RYK: variants seen among roughly 807,000 people sequenced by gnomAD.
RYK encodes the protein receptor like tyrosine kinase, also known as inactive tyrosine-protein kinase RYK.
In RYK, 21 loss-of-function variants were observed where a neutral mutation model predicts 70.2. That is an observed-to-expected ratio of 0.30 (90% CI 0.21 to 0.43). RYK has a LOEUF of 0.43. Ranked by LOEUF, RYK falls within the 20% of genes least tolerant of loss-of-function variation. RYK has a pLI of 1.00. For missense variants in RYK, 604 were observed against 753.3 expected, an observed-to-expected ratio of 0.80 and a Z score of 2.32; for synonymous variants, 267 against 278.0, an observed-to-expected ratio of 0.96 and a Z score of 0.39.
chr3:134,213,951 C>T (rs962384118), intron 2 of RYK, among the ~76,000 whole-genome samples: 1 of 152,062 alleles, frequency 6.6e-6, no homozygotes, highest in Admixed American at 6.6e-5. Context: ...GGACTACAGG[C>T]ACACGCCACT....
intron 6 of RYK, among the ~76,000 whole-genome samples, chr3:134,195,515 G>A (rs1279233533): frequency 6.6e-6 from 1 of 152,154 alleles, no homozygotes; most frequent in African/African-American, 2.4e-5. Flanking sequence ...CAAAAAAAGA[G>A]CCCATGTCAT....
At chr3:134,199,461 C>T (rs1260999489) in intron 6 of RYK, among the ~76,000 whole-genome samples, 3 of 152,184 alleles carry the variant, frequency 2.0e-5, no homozygotes, top group Admixed American at 2.0e-4. Context: ...CACTGAGTCC[C>T]GCCTGCTCTG....
intron 9 of RYK, among the ~76,000 whole-genome samples, chr3:134,183,784 A>G (rs913929874): frequency 6.6e-6 from 1 of 152,338 alleles, no homozygotes; most frequent in African/African-American, 2.4e-5. Flanking sequence ...CTCAACCACC[A>G]AAGTACCCAC....
intron 9 of RYK, among the ~76,000 whole-genome samples, chr3:134,186,431 G>C (rs1293204916): frequency 6.6e-6 from 1 of 152,216 alleles, no homozygotes; most frequent in Non-Finnish European, 1.5e-5. Context: ...ATTTGTGAAA[G>C]ACCTTGGTCA....
At chr3:134,234,757 G>C (rs1419893550) in intron 1 of RYK, among the ~76,000 whole-genome samples, 4 of 152,066 alleles carry the variant, frequency 2.6e-5, no homozygotes, top group Non-Finnish European at 4.4e-5. Flanking sequence ...AGGGGATAGA[G>C]AACTGTTTTA....
chr3:134,228,142 T>C (rs115312546), intron 1 of RYK, among the ~76,000 whole-genome samples: 2 of 152,246 alleles, frequency 1.3e-5, no homozygotes, highest in Non-Finnish European at 2.9e-5. Flanking sequence ...ATGTTTACAA[T>C]TAGCCAAGCA....
chr3:134,160,466 T>C (rs1255939039), intron 13 of RYK, among the ~76,000 whole-genome samples: 2 of 152,146 alleles, frequency 1.3e-5, no homozygotes, highest in Admixed American at 1.3e-4. Flanking sequence ...AATCCCAAAA[T>C]ACTTTGTAAA....
intron 13 of RYK, among the ~76,000 whole-genome samples, chr3:134,169,035 G>A (rs758502920): frequency 6.6e-6 from 1 of 152,054 alleles, no homozygotes; most frequent in African/African-American, 2.4e-5. Flanking sequence ...GGTGATCATT[G>A]ATAGTCACAA....
At chr3:134,205,895 A>C (rs1047772181) in intron 5 of RYK, among the ~76,000 whole-genome samples, 15 of 152,160 alleles carry the variant, frequency 9.9e-5, no homozygotes, top group Admixed American at 5.9e-4. Context: ...CATACCGCCT[A>C]ACACACCACA....
intron 2 of RYK, among the ~76,000 whole-genome samples, chr3:134,217,838 T>C (rs76816651): frequency 0.035 from 5,269 of 152,302 alleles, 148 homozygotes; most frequent in Non-Finnish European, 0.059. Flanking sequence ...ATTTTTACTA[T>C]GTGCATATAT....
At chr3:134,197,086 C>A (rs1266717975) in intron 6 of RYK, among the ~76,000 whole-genome samples, 6 of 152,218 alleles carry the variant, frequency 3.9e-5, no homozygotes, top group African/African-American at 1.4e-4. Context: ...CAACCTGATA[C>A]TTCTTCTTGT....
At chr3:134,195,566 C>T (rs931931568) in intron 6 of RYK, among the ~76,000 whole-genome samples, 1 of 152,198 alleles carries the variant, frequency 6.6e-6, no homozygotes, top group Non-Finnish European at 1.5e-5. Flanking sequence ...GAAAGACAGG[C>T]CTCTTTCAAT....
In RYK at chr3:134,183,025, A is replaced by T; in HGVS notation, c.1149T>A (p.Cys383Ter). The T allele has an allele frequency of 6.3e-7, 1 of 1,590,884 alleles. No homozygotes were observed. The highest frequency in any genetic ancestry group is 8.6e-7 in the Non-Finnish European group (1 of 1,167,174). Residue 383 changes from cysteine to a stop codon, truncating the protein, a stop_gained, in exon 10 of 15, where the codon TGT becomes TGA. Transcript: ENST00000623711. LOFTEE classifies it high-confidence loss of function. Reference protein sequence around the residue: ...IQVTMMLTESCKLRGLHHRNL... With the variant: ...IQVTMMLTES Reference sequence around the variant, plus strand: ...ACCTGTGATGAAGACCTCGCAGCTTACAACTTTCAGTGAGCATCATTGTCA... The same window carrying T: ...ACCTGTGATGAAGACCTCGCAGCTTTCAACTTTCAGTGAGCATCATTGTCA...
intron 1 of RYK, among the ~76,000 whole-genome samples, chr3:134,228,291 T>G (rs2014963522): frequency 6.6e-6 from 1 of 151,612 alleles, no homozygotes; most frequent in African/African-American, 2.4e-5. Context: ...ACTCTGTGTG[T>G]AGGGGGAAAA....
chr3:134,202,851 T>A lies in RYK; in HGVS notation c.667A>T (p.Thr223Ser). Reference protein sequence around the residue: ...TIYDPVHAAPTTSTRVFYISV... With the variant: ...TIYDPVHAAPSTSTRVFYISV... ...ATATAAAACACACGCGTAGAAGTGGTTGGAGCTGCATGTACAGGATCATCT... is the reference window on the plus strand; with the variant it reads ...ATATAAAACACACGCGTAGAAGTGGATGGAGCTGCATGTACAGGATCATCT... Residue 223 changes from threonine to serine, a missense_variant, in exon 6 of 15, where the codon ACC (threonine) becomes TCC (serine). Coordinates refer to ENST00000623711, the MANE Select transcript of RYK (RefSeq NM_002958.4). The A allele has an allele frequency of 6.2e-7, 1 of 1,613,690 alleles. No homozygotes were observed. The highest frequency in any genetic ancestry group is 8.5e-7 in the Non-Finnish European group (1 of 1,179,788).
chr3:134,241,113 T>A (rs1450429661), intron 1 of RYK, among the ~76,000 whole-genome samples: 6 of 142,112 alleles, frequency 4.2e-5, no homozygotes, highest in Admixed American at 2.2e-4. Flanking sequence ...GGGAGGGAAA[T>A]CACTTGAAGT....
At chr3:134,202,110 T>C (rs992145045) in intron 6 of RYK, among the ~76,000 whole-genome samples, 1 of 145,256 alleles carries the variant, frequency 6.9e-6, no homozygotes, top group African/African-American at 2.9e-5. Context: ...TATATCATTC[T>C]TTCTTTCTGT....
intron 1 of RYK, among the ~76,000 whole-genome samples, chr3:134,243,150 T>C (rs916050591): frequency 1.3e-5 from 2 of 152,144 alleles, no homozygotes; most frequent in Non-Finnish European, 2.9e-5. Flanking sequence ...TTCATCTCCT[T>C]TTTCTTTCCC....
At chr3:134,212,933 T>C (rs942270279) in intron 2 of RYK, among the ~76,000 whole-genome samples, 6 of 151,770 alleles carry the variant, frequency 4.0e-5, no homozygotes, top group South Asian at 4.2e-4. Flanking sequence ...GCAGTTAAGA[T>C]AGGTACGTAA....
Sources: allele counts gnomAD v4.1 joint callset (sites outside exome capture counted in the v4.1 genomes callset), GRCh38; gene constraint gnomAD v4.1.1; transcripts MANE v1.5; gene names NCBI Gene and HGNC (gene_info 2026-07-23, HGNC 2026-07-21).